The following ST8SIA1 variants were observed in gnomAD, a reference collection of about 807,000 sequenced individuals.
ST8SIA1 encodes alpha-N-acetylneuraminide alpha-2,8-sialyltransferase.
ST8SIA1 carries 16 observed loss-of-function variants against 35.9 expected under a neutral mutation model. The observed-to-expected ratio is 0.45, with a 90% CI of 0.30 to 0.68. The LOEUF (loss-of-function observed/expected upper bound fraction) is 0.68, where lower values mean the gene tolerates loss of function less well. Ranked by LOEUF, ST8SIA1 falls within the 30% of genes least tolerant of loss-of-function variation. ST8SIA1 has a pLI of 0.09. For synonymous variants in ST8SIA1, 170 were observed against 169.6 expected (o/e 1.00, Z -0.02); for missense variants, 383 against 453.6 (o/e 0.84, Z 1.41).
In ST8SIA1 at chr12:22,239,034, C is replaced by T. The variant is rs191713508; in HGVS notation, c.584+9972G>A. 5.3e-5 allele frequency among the ~76,000 whole-genome samples: 8 copies of T among 152,322 alleles called. No homozygotes were observed. The East Asian group carries it at 1.5e-3, about 29-fold the overall frequency. On this transcript the variant is annotated intron_variant, in intron 4 of 4. Coordinates refer to ENST00000396037, the MANE Select transcript of ST8SIA1 (RefSeq NM_003034.4). ...TTTCTCTCTCAGCACTTTGAAGATA[C>T]TCTTCCACTGCTTCCTGACATCCAT...
chr12:22,224,316 CTT>C (rs11434182), intron 4 of ST8SIA1, among the ~76,000 whole-genome samples: 39 of 144,944 alleles, frequency 2.7e-4, no homozygotes, highest in African/African-American at 7.6e-4. Flanking sequence ...TATATTTATA[CTT>C]TTTTTTTTTT....
intron 4 of ST8SIA1, among the ~76,000 whole-genome samples, chr12:22,229,548 C>T (rs1193084540): frequency 1.4e-5 from 2 of 144,376 alleles, no homozygotes; most frequent in Non-Finnish European, 3.0e-5. Flanking sequence ...CCCAGGCGGT[C>T]GAGTCTGCAG....
At chr12:22,255,143 T>G (rs1865715353) in intron 3 of ST8SIA1, 137 bp downstream of exon 3, 2 of 702,398 alleles carry the variant, frequency 2.8e-6, no homozygotes, top group African/African-American at 3.5e-5. Context: ...CGCTTGTCTA[T>G]GAGCTGGAAG....
At chr12:22,256,137 T>G (rs1018308930) in intron 2 of ST8SIA1, among the ~76,000 whole-genome samples, 2 of 152,170 alleles carry the variant, frequency 1.3e-5, no homozygotes, top group Non-Finnish European at 2.9e-5. Flanking sequence ...CACAGAAGTA[T>G]TTGCTGAGAG....
chr12:22,294,004 A>C (rs1200643121), intron 1 of ST8SIA1, among the ~76,000 whole-genome samples: 1 of 152,142 alleles, frequency 6.6e-6, no homozygotes, highest in Non-Finnish European at 1.5e-5. Flanking sequence ...GACTTAAAGA[A>C]ATCTGTCTGA....
intron 3 of ST8SIA1, among the ~76,000 whole-genome samples, chr12:22,254,991 C>T (rs537245784): frequency 6.6e-6 from 1 of 152,310 alleles, no homozygotes; most frequent in Admixed American, 6.5e-5. Flanking sequence ...ACTGTACAAT[C>T]TAAAATGAGA....
At chr12:22,297,658 C>A (rs1866262273) in intron 1 of ST8SIA1, among the ~76,000 whole-genome samples, 2 of 152,090 alleles carry the variant, frequency 1.3e-5, no homozygotes, top group South Asian at 4.2e-4. Context: ...TTGTCAACAA[C>A]CTTTAACTGA....
At chr12:22,219,464 G>A (rs894515033) in intron 4 of ST8SIA1, among the ~76,000 whole-genome samples, 1 of 152,150 alleles carries the variant, frequency 6.6e-6, no homozygotes, top group Non-Finnish European at 1.5e-5. Flanking sequence ...CCAGGATAGG[G>A]TGGAGGCGAG....
At chr12:22,293,952 T>C (rs1214659664) in intron 1 of ST8SIA1, among the ~76,000 whole-genome samples, 3 of 152,154 alleles carry the variant, frequency 2.0e-5, no homozygotes, top group Admixed American at 6.5e-5. Flanking sequence ...AGATTTCACA[T>C]GAAAGTAGAG....
chr12:22,332,145 G>C (rs1866776025), intron 1 of ST8SIA1, among the ~76,000 whole-genome samples: 2 of 152,102 alleles, frequency 1.3e-5, no homozygotes, highest in Admixed American at 1.3e-4. Flanking sequence ...CCTTTTACAT[G>C]GTTTTACAGC....
chr12:22,320,550 T>C (rs1050091603), intron 1 of ST8SIA1, among the ~76,000 whole-genome samples: 1 of 152,020 alleles, frequency 6.6e-6, no homozygotes. Flanking sequence ...ACAAATCACC[T>C]GTAAAGAAGT....
At chr12:22,229,371 C>G (rs967555288) in intron 4 of ST8SIA1, among the ~76,000 whole-genome samples, 1 of 151,968 alleles carries the variant, frequency 6.6e-6, no homozygotes, top group African/African-American at 2.4e-5. Context: ...AATCCCAAAA[C>G]TTTGGGAGGC....
intron 2 of ST8SIA1, among the ~76,000 whole-genome samples, chr12:22,285,282 T>G (rs929394160): frequency 3.9e-5 from 6 of 152,250 alleles, no homozygotes; most frequent in Admixed American, 3.9e-4. Context: ...CTAACAGCAA[T>G]GCCAAGTTGG....
At chr12:22,312,845 GTCT>G (rs1866469529) in intron 1 of ST8SIA1, among the ~76,000 whole-genome samples, 1 of 151,980 alleles carries the variant, frequency 6.6e-6, no homozygotes, top group Admixed American at 6.6e-5. Context: ...CAATGCCGAA[GTCT>G]TCTAAAAGTT....
chr12:22,321,033 AG>A (rs879573057), intron 1 of ST8SIA1, among the ~76,000 whole-genome samples: 2,586 of 110,692 alleles, frequency 0.023, 42 homozygotes, highest in East Asian at 0.046. Context: ...AAAGAAAGAA[AG>A]AGAAAGAGAA....
At chr12:22,204,755 A>C (rs997391632) in intron 4 of ST8SIA1, among the ~76,000 whole-genome samples, 1 of 151,926 alleles carries the variant, frequency 6.6e-6, no homozygotes, top group Non-Finnish European at 1.5e-5. Flanking sequence ...TATTATTTTT[A>C]CCTCTCCCAT....
intron 2 of ST8SIA1, among the ~76,000 whole-genome samples, chr12:22,259,059 C>T (rs1224362015): frequency 3.3e-5 from 5 of 152,088 alleles, no homozygotes; most frequent in Non-Finnish European, 7.4e-5. Context: ...GCATGGAAGT[C>T]CACTCATCTT....
chr12:22,206,194 A>C (rs1390921841), intron 4 of ST8SIA1, among the ~76,000 whole-genome samples: 2 of 152,218 alleles, frequency 1.3e-5, no homozygotes, highest in Non-Finnish European at 2.9e-5. Context: ...ATCTATCTCC[A>C]TTCTGAAAAT....
At chr12:22,279,794 T>C (rs1866013040) in intron 2 of ST8SIA1, among the ~76,000 whole-genome samples, 1 of 152,174 alleles carries the variant, frequency 6.6e-6, no homozygotes, top group African/African-American at 2.4e-5. Flanking sequence ...AGCCAACCCC[T>C]TTCCCCATTG....
Sources: gnomAD v4.1 joint callset for allele counts (sites outside exome capture counted in the v4.1 genomes callset) on GRCh38, gnomAD v4.1.1 for gene constraint, MANE v1.5 for transcripts, NCBI Gene and HGNC (gene_info 2026-07-23, HGNC 2026-07-21) for gene names.